The following SPRED2 variants were observed in gnomAD, a reference collection of about 807,000 sequenced individuals.
SPRED2 encodes the protein sprouty related EVH1 domain containing 2, also known as sprouty-related, EVH1 domain-containing protein 2.
Under a neutral mutation model 43.0 loss-of-function variants are expected in SPRED2, and 47 were observed. The ratio of observed to expected loss-of-function variants is 1.09; its 90% CI spans 0.87 to 1.40. The LOEUF is 1.40. SPRED2 is among the 40% of genes most tolerant of loss of function. The pLI is 0.00. For missense variants in SPRED2, 561 were observed against 586.4 expected (o/e 0.96, Z 0.45); for synonymous variants, 225 against 225.7 (o/e 1.00, Z 0.03).
At chr2:65,342,617 G>A (rs1353895684) in intron 2 of SPRED2, among the ~76,000 whole-genome samples, 2 of 152,014 alleles carry the variant, frequency 1.3e-5, no homozygotes, top group African/African-American at 2.4e-5. Flanking sequence ...TAATAAACGT[G>A]GAAAATTCAC....
chr2:65,416,955 C>T (rs1481404620), intron 1 of SPRED2, among the ~76,000 whole-genome samples: 1 of 152,160 alleles, frequency 6.6e-6, no homozygotes, highest in Admixed American at 6.5e-5. Flanking sequence ...GAGTAAAAAG[C>T]TACCATAAAA....
intron 1 of SPRED2, among the ~76,000 whole-genome samples, chr2:65,383,969 T>C (rs1157951302): frequency 6.6e-6 from 1 of 152,224 alleles, no homozygotes; most frequent in Non-Finnish European, 1.5e-5. Flanking sequence ...TGCATGTTTC[T>C]ACAAGCTGTC....
intron 1 of SPRED2, among the ~76,000 whole-genome samples, chr2:65,377,120 A>G (rs1675259227): frequency 6.6e-6 from 1 of 152,224 alleles, no homozygotes; most frequent in Non-Finnish European, 1.5e-5. Flanking sequence ...CTTATTAATG[A>G]ACATTTAGTG....
intron 1 of SPRED2, among the ~76,000 whole-genome samples, chr2:65,371,939 G>A (rs1675134622): frequency 6.6e-6 from 1 of 152,152 alleles, no homozygotes; most frequent in Non-Finnish European, 1.5e-5. Flanking sequence ...ATCCGGGTGT[G>A]GTGGATGCCT....
chr2:65,430,966 CG>C (rs1478507200), intron 1 of SPRED2, among the ~76,000 whole-genome samples: 2 of 152,132 alleles, frequency 1.3e-5, no homozygotes, highest in African/African-American at 4.8e-5. Context: ...CTTGAGGCGT[CG>C]GGCCCCGCGG....
At chr2:65,384,478 T>C (rs1438715718) in intron 1 of SPRED2, among the ~76,000 whole-genome samples, 1 of 152,222 alleles carries the variant, frequency 6.6e-6, no homozygotes, top group African/African-American at 2.4e-5. Flanking sequence ...ATTAACTAAA[T>C]AATAATTAGT....
At position 65,311,527 on chromosome 2, in the gene SPRED2, G is replaced by C; in HGVS notation, c.*1974C>G. Reference sequence around the variant, plus strand: ...GAACATTAGTGTTGTGCTTTGTAGAGAAGAGACCCTAGAGAAAGACCCCAA... The same window carrying C: ...GAACATTAGTGTTGTGCTTTGTAGACAAGAGACCCTAGAGAAAGACCCCAA... On this transcript the variant is annotated 3_prime_UTR_variant, in exon 6 of 6. Coordinates refer to ENST00000356388, the MANE Select transcript of SPRED2 (RefSeq NM_181784.3). 1 of 985,854 alleles carries C rather than the reference G, an allele frequency of 1.0e-6. No homozygotes were observed. The highest frequency in any genetic ancestry group is 1.2e-6 in the Non-Finnish European group (1 of 829,936). 61.1% of individuals were successfully genotyped at this position (985,854 alleles called of 1,614,324 possible). A position where few individuals can be genotyped will look rare whatever the true frequency, so the allele number is the denominator to read the frequency against.
intron 1 of SPRED2, among the ~76,000 whole-genome samples, chr2:65,346,000 G>A (rs972463300): frequency 9.2e-5 from 14 of 152,178 alleles, no homozygotes; most frequent in African/African-American, 3.1e-4. Flanking sequence ...ATATTTGCGT[G>A]TTGTATATGC....
intron 1 of SPRED2, among the ~76,000 whole-genome samples, chr2:65,357,065 G>A (rs1253943006): frequency 1.3e-5 from 2 of 152,146 alleles, no homozygotes; most frequent in South Asian, 2.1e-4. Context: ...AGAGGAGGGA[G>A]GAAAATCAGC....
intron 3 of SPRED2, among the ~76,000 whole-genome samples, chr2:65,333,438 C>T (rs1302760931): frequency 3.3e-5 from 5 of 151,902 alleles, no homozygotes; most frequent in Non-Finnish European, 7.4e-5. Flanking sequence ...GCTGTCTCTA[C>T]TCTGAATTAC....
rs992813245 is a variant in SPRED2 at position 65,312,732 on chromosome 2, T to G, written c.*769A>C. ...CCTGGTCCAAGAGGATGCAATGCAG[T>G]TGAAGGAATTTTCCTGATTCTCACA... On this transcript the variant is annotated 3_prime_UTR_variant, in exon 6 of 6. Transcript: ENST00000356388. 11 of 985,706 alleles carry G rather than the reference T, an allele frequency of 1.1e-5. No individual in the cohort carries two copies. In the African/African-American group the frequency reaches 1.9e-4, roughly 17 times the overall value. The allele number at this position is 985,706 out of a possible 1,614,324, so 61.1% of individuals were successfully genotyped here.
intron 1 of SPRED2, among the ~76,000 whole-genome samples, chr2:65,380,327 T>A (rs1302710674): frequency 6.6e-6 from 1 of 152,138 alleles, no homozygotes; most frequent in Non-Finnish European, 1.5e-5. Flanking sequence ...ACCTTATAGA[T>A]CTTAGTCAAG....
chr2:65,432,023 C>A lies in SPRED2; in HGVS notation c.-36G>T. Reference sequence around the variant, plus strand: ...ACCTAGACGCCTGTCCCGCGGCGGGCAGCTTTGCTCCCTTCATCTTCCTGT... The same window carrying A: ...ACCTAGACGCCTGTCCCGCGGCGGGAAGCTTTGCTCCCTTCATCTTCCTGT... On this transcript the variant is annotated 5_prime_UTR_variant, in exon 1 of 6. Transcript: ENST00000356388. 6.2e-7 allele frequency: 1 copy of A among 1,613,564 alleles called. No individual in the cohort carries two copies. The highest frequency in any genetic ancestry group is 8.5e-7 in the Non-Finnish European group (1 of 1,179,898).
intron 1 of SPRED2, chr2:65,377,478 G>C: frequency 7.0e-6 from 3 of 427,202 alleles, no homozygotes; most frequent in South Asian, 3.4e-5. Flanking sequence ...ACCCCCCAAA[G>C]CCTCATCACC....
chr2:65,313,687 G>A lies in SPRED2; in HGVS notation c.1071C>T (p.Pro357=), dbSNP rs761279539. ...AGCAAGGGTCTGTATAGTCTCCCTC[G>A]GGGTCCGACATACAGTGATAGAGCA... ...DSMLYHCMSD[P]EGDYTDPCSC... is the part of the protein sequence containing the mutation. The change falls in exon 6 of 6, where the codon CCC becomes CCT. Residue 357 remains proline, a synonymous_variant. Coordinates refer to ENST00000356388, the MANE Select transcript of SPRED2 (RefSeq NM_181784.3). 3.1e-6 allele frequency: 5 copies of A among 1,614,138 alleles called. No homozygotes were observed. In the South Asian group the frequency reaches 4.4e-5, roughly 14 times the overall value.
chr2:65,363,005 GTTTTTTTT>G (rs113081105), intron 1 of SPRED2, among the ~76,000 whole-genome samples: 2 of 121,072 alleles, frequency 1.7e-5, no homozygotes, highest in Non-Finnish European at 3.4e-5. Flanking sequence ...ATCATGTTTT[GTTTTTTTT>G]TTTTTTTTTT....
At chr2:65,431,846 G>T (rs1676703906) in intron 1 of SPRED2, 116 bp downstream of exon 1, 2 of 1,259,252 alleles carry the variant, frequency 1.6e-6, no homozygotes, top group Non-Finnish European at 2.3e-6. Flanking sequence ...AAAGGTCAGC[G>T]AGTCGCTGCA....
intron 4 of SPRED2, among the ~76,000 whole-genome samples, chr2:65,317,783 C>G (rs780107436): frequency 2.3e-4 from 35 of 151,988 alleles, no homozygotes; most frequent in Non-Finnish European, 3.8e-4. Context: ...GGGTTGGGAG[C>G]AAGACTTGGA....
chr2:65,385,619 A>C (rs1430903125), intron 1 of SPRED2, among the ~76,000 whole-genome samples: 2 of 152,194 alleles, frequency 1.3e-5, no homozygotes, highest in African/African-American at 2.4e-5. Flanking sequence ...CCAGAGAGGA[A>C]GAAGGTCATC....
Sources: gnomAD v4.1 joint callset for allele counts (sites outside exome capture counted in the v4.1 genomes callset) on GRCh38, gnomAD v4.1.1 for gene constraint, MANE v1.5 for transcripts, NCBI Gene and HGNC (gene_info 2026-07-23, HGNC 2026-07-21) for gene names.